PNPT1: variants seen among roughly 807,000 people sequenced by gnomAD.
The protein encoded by PNPT1 is polyribonucleotide nucleotidyltransferase 1, mitochondrial.
PNPT1 carries 53 observed loss-of-function variants against 119.5 expected under a neutral mutation model. That is an observed-to-expected ratio of 0.44 (90% CI 0.36 to 0.56). PNPT1 has a LOEUF of 0.56. Among genes scored for constraint, PNPT1 ranks in the 20% least tolerant of loss-of-function variants. PNPT1 has a pLI of 0.00. For synonymous variants in PNPT1, 357 were observed against 322.1 expected (o/e 1.11, Z -1.16); for missense variants, 948 against 938.5 (o/e 1.01, Z -0.13).
rs1212196149 is a variant in PNPT1, at chr2:55,641,953, T to C, written c.2069+1205A>G. Among the ~76,000 whole-genome samples the C allele has an allele frequency of 2.0e-5, 3 of 152,018 alleles. No individual in the cohort carries two copies. In the East Asian group the frequency reaches 5.8e-4, roughly 29 times the overall value. The stretch of plus-strand genomic sequence containing the variant: ...GCCTCCCGGCTTCAAGCGATTCTCC[T>C]GCCTCAGCCTCCTGAGTAGCTGGGA... On this transcript the variant is annotated intron_variant, in intron 25 of 27. Coordinates refer to ENST00000447944, the MANE Select transcript of PNPT1 (RefSeq NM_033109.5).
chr2:55,644,857 G>C lies in PNPT1; in HGVS notation c.1823-137C>G, dbSNP rs187273180. 1.5e-3 allele frequency: 728 copies of C among 483,530 alleles called. 12 individuals are homozygous for C. The South Asian group carries it at 0.022, about 14-fold the overall frequency. 30.0% of individuals were successfully genotyped at this position (483,530 alleles called of 1,614,324 possible). A position where few individuals can be genotyped will look rare whatever the true frequency, so the allele number is the denominator to read the frequency against. ...TATTTTACTATAAAACAGAAAAGTA[G>C]ATGATTAAAATTACTGAAAACTGTT... On this transcript the variant is annotated intron_variant, in intron 22 of 27. Coordinates refer to ENST00000447944, the MANE Select transcript of PNPT1 (RefSeq NM_033109.5).
chr2:55,656,434 T>A, intron 15 of PNPT1, 63 bp from the exon 16 acceptor site: 1 of 1,424,000 alleles, frequency 7.0e-7, no homozygotes, highest in South Asian at 1.3e-5. Flanking sequence ...CCAAGTTATA[T>A]TACCAAAATA....
At chr2:55,654,730 G>T (rs1316597260) in intron 18 of PNPT1, among the ~76,000 whole-genome samples, 170 bp downstream of exon 18, 1 of 151,792 alleles carries the variant, frequency 6.6e-6, no homozygotes, top group African/African-American at 2.4e-5. Context: ...GTGTATAAAA[G>T]GTTAGCATTT....
intron 11 of PNPT1, among the ~76,000 whole-genome samples, chr2:55,669,186 C>G (rs960600788): frequency 8.7e-6 from 1 of 114,532 alleles, no homozygotes; most frequent in African/African-American, 6.0e-5. Context: ...TAAAAAAAAA[C>G]ATAAATAAAA....
intron 25 of PNPT1, among the ~76,000 whole-genome samples, 167 bp from the exon 26 acceptor site, chr2:55,640,872 TATAA>T (rs1446764876): frequency 6.6e-6 from 1 of 152,140 alleles, no homozygotes; most frequent in South Asian, 2.1e-4. Flanking sequence ...AAATATACCC[TATAA>T]ATAAATATGT....
intron 15 of PNPT1, among the ~76,000 whole-genome samples, chr2:55,659,882 G>C (rs752209326): frequency 6.6e-6 from 1 of 151,994 alleles, no homozygotes; most frequent in Admixed American, 6.6e-5. Context: ...CTGTATCCTG[G>C]AAGTTTTTAA....
chr2:55,647,589 G>C (rs1696042705), intron 18 of PNPT1, 136 bp from the exon 19 acceptor site: 1 of 561,412 alleles, frequency 1.8e-6, no homozygotes, highest in Non-Finnish European at 3.1e-6. Flanking sequence ...GCATGATCTT[G>C]GCTCACTGTA....
intron 8 of PNPT1, among the ~76,000 whole-genome samples, chr2:55,674,413 C>T (rs1193934768): frequency 2.6e-5 from 4 of 151,954 alleles, no homozygotes; most frequent in Non-Finnish European, 5.9e-5. Flanking sequence ...GGCAACATAG[C>T]GAGGTCCTGT....
At chr2:55,675,557 G>A (rs1409431785) in intron 8 of PNPT1, among the ~76,000 whole-genome samples, 1 of 152,036 alleles carries the variant, frequency 6.6e-6, no homozygotes, top group Non-Finnish European at 1.5e-5. Flanking sequence ...CTTTAGCCAG[G>A]TGTGGTGACA....
chr2:55,683,612 CAAAAA>C, intron 5 of PNPT1, among the ~76,000 whole-genome samples, 168 bp downstream of exon 5: 1 of 74,170 alleles, frequency 1.3e-5, no homozygotes, highest in South Asian at 4.4e-4. Flanking sequence ...GACTCTGTCT[CAAAAA>C]AAAAAAAAAA....
At chr2:55,673,764 A>G (rs984347362) in intron 8 of PNPT1, among the ~76,000 whole-genome samples, 2 of 152,098 alleles carry the variant, frequency 1.3e-5, no homozygotes, top group Non-Finnish European at 2.9e-5. Flanking sequence ...TATTTTTAAA[A>G]GGCCATATGT....
intron 11 of PNPT1, among the ~76,000 whole-genome samples, chr2:55,670,685 A>G (rs1021618795): frequency 1.3e-4 from 20 of 152,186 alleles, no homozygotes; most frequent in Non-Finnish European, 2.5e-4. Context: ...TAACACTGCA[A>G]TTTCACAGAT....
At chr2:55,668,294 C>T (rs1296838781) in intron 11 of PNPT1, among the ~76,000 whole-genome samples, 2 of 152,066 alleles carry the variant, frequency 1.3e-5, no homozygotes, top group Non-Finnish European at 2.9e-5. Context: ...TGGAGTGCAA[C>T]GCCGCAATCT....
chr2:55,672,580 AAC>A (rs1696947667), intron 9 of PNPT1, among the ~76,000 whole-genome samples: 2 of 152,266 alleles, frequency 1.3e-5, no homozygotes. Context: ...TGAGAATTCC[AAC>A]AGTTTCCTTA....
rs776755257 is a variant in PNPT1 at position 55,679,660 on chromosome 2, T to C, written c.679+22A>G. 2.7e-6 allele frequency: 4 copies of C among 1,458,536 alleles called. No homozygotes were observed. In the South Asian group the frequency reaches 4.6e-5, roughly 17 times the overall value. 90.3% of individuals were successfully genotyped at this position (1,458,536 alleles called of 1,614,324 possible). On this transcript the variant is annotated intron_variant, in intron 8 of 27. Coordinates refer to ENST00000447944, the MANE Select transcript of PNPT1 (RefSeq NM_033109.5). ...ACTTGTAAGTAAAATCCAGAACAAA[T>C]GTGGTATTTAAAACAACTTACCAAT...
chr2:55,689,019 G>A (rs1579780), intron 1 of PNPT1, among the ~76,000 whole-genome samples: 12,803 of 152,172 alleles, frequency 0.084, 652 homozygotes, highest in South Asian at 0.14. Flanking sequence ...AAACACAGGA[G>A]TAAATCTTCA....
intron 26 of PNPT1, among the ~76,000 whole-genome samples, chr2:55,639,988 A>G (rs1005421096): frequency 6.6e-6 from 1 of 152,222 alleles, no homozygotes; most frequent in South Asian, 2.1e-4. Flanking sequence ...AATTTATTAA[A>G]TAATCTTTAT....
intron 13 of PNPT1, among the ~76,000 whole-genome samples, chr2:55,664,911 GTATAAT>G (rs1430976140): frequency 1.3e-5 from 2 of 151,884 alleles, no homozygotes; most frequent in African/African-American, 2.4e-5. Context: ...TAAAAATTTA[GTATAAT>G]TATAATTATA....
chr2:55,640,603 T>C (rs374642537), intron 26 of PNPT1, 24 bp downstream of exon 26: 82 of 1,531,296 alleles, frequency 5.4e-5, no homozygotes, highest in Admixed American at 1.4e-4. Flanking sequence ...ATAAAAATAA[T>C]AACAATAACA....
Sources: gnomAD v4.1 joint callset for allele counts (sites outside exome capture counted in the v4.1 genomes callset) on GRCh38, gnomAD v4.1.1 for gene constraint, MANE v1.5 for transcripts, NCBI Gene and HGNC (gene_info 2026-07-23, HGNC 2026-07-21) for gene names.